ITPR1: variants seen among roughly 807,000 people sequenced by gnomAD.
The protein encoded by ITPR1 is inositol 1,4,5-trisphosphate receptor type 1, also known as inositol 1,4,5-trisphosphate-gated calcium channel ITPR1.
A neutral mutation model predicts 318.4 loss-of-function variants in ITPR1; 96 were observed. That is an observed-to-expected ratio of 0.30 (90% CI 0.26 to 0.36). The LOEUF (loss-of-function observed/expected upper bound fraction) is 0.36, where lower values mean the gene tolerates loss of function less well. Among genes scored for constraint, ITPR1 ranks in the 10% least tolerant of loss-of-function variants. ITPR1 has a pLI of 1.00. For synonymous variants in ITPR1, 1,312 were observed against 1,289.9 expected (o/e 1.02, Z -0.37); for missense variants, 2,440 against 3,460.2 (o/e 0.71, Z 7.40).
intron 40 of ITPR1, among the ~76,000 whole-genome samples, chr3:4,720,814 AAC>A (rs1176143703): frequency 6.6e-5 from 10 of 152,182 alleles, no homozygotes; most frequent in African/African-American, 2.4e-4. Context: ...AAACAGGAGA[AAC>A]AAAGAGTGAT....
In ITPR1 at chr3:4,598,408, C is replaced by T. The variant is rs1407415640; in HGVS notation, c.164-29355C>T. On this transcript the variant is annotated intron_variant, in intron 4 of 61. Coordinates refer to ENST00000649015, the MANE Select transcript of ITPR1 (RefSeq NM_001378452.1). ...AATGAAGTGGGTGAATCAGTTGAGC[C>T]CAGAAGTTTGAGACCAGCCTGGGCA... Among the ~76,000 whole-genome samples, 4 of 152,110 alleles carry T rather than the reference C, an allele frequency of 2.6e-5. No individual in the cohort carries two copies. In the East Asian group the frequency reaches 7.7e-4, roughly 29 times the overall value.
Position 4,710,834 on chromosome 3 carries a change from T to G in ITPR1, c.4991+361T>G, listed in dbSNP as rs2041302813. Among the ~76,000 whole-genome samples the G allele has an allele frequency of 6.6e-6, 1 of 152,228 alleles. No homozygotes were observed. ...CTATCGTGACCTCACCATCTTTTCC[T>G]AATAATTTTGTAATTTCTTAGTTTA... On this transcript the variant is annotated intron_variant, in intron 38 of 61. Transcript: ENST00000649015. This position sits in a 1 kb window ranked among gnomAD's most constrained non-coding sequence, Gnocchi z 4.2.
At chr3:4,527,512 G>A (rs1043786561) in intron 4 of ITPR1, among the ~76,000 whole-genome samples, 2 of 152,152 alleles carry the variant, frequency 1.3e-5, no homozygotes, top group African/African-American at 4.8e-5. Flanking sequence ...CCAACCAGCT[G>A]TGGGATGCGC....
chr3:4,731,781 T>C (rs9824272), intron 42 of ITPR1, among the ~76,000 whole-genome samples: 58,336 of 152,056 alleles, frequency 0.38, 12,071 homozygotes, highest in Non-Finnish European at 0.48. Flanking sequence ...CCAGGGTCCC[T>C]GCTTCAGTCT....
At chr3:4,824,970 G>C (rs1166706795) in intron 60 of ITPR1, among the ~76,000 whole-genome samples, 1 of 152,184 alleles carries the variant, frequency 6.6e-6, no homozygotes, top group African/African-American at 2.4e-5. Flanking sequence ...CATGTCCTTT[G>C]GTGGCCAGAT....
chr3:4,712,691 T>C (rs756508442), intron 39 of ITPR1, among the ~76,000 whole-genome samples: 1 of 152,212 alleles, frequency 6.6e-6, no homozygotes, highest in Non-Finnish European at 1.5e-5. Flanking sequence ...CTTGTCAAAA[T>C]CGATGGTGGC....
At chr3:4,801,655 T>C (rs1247364454) in intron 54 of ITPR1, among the ~76,000 whole-genome samples, 1 of 151,982 alleles carries the variant, frequency 6.6e-6, no homozygotes, top group African/African-American at 2.4e-5. Flanking sequence ...TCCTAGCTAC[T>C]CGGGAGACTG....
chr3:4,655,273 T>C (rs2093680299), intron 12 of ITPR1, among the ~76,000 whole-genome samples: 1 of 152,148 alleles, frequency 6.6e-6, no homozygotes, highest in South Asian at 2.1e-4. Flanking sequence ...ATCTTACCTC[T>C]GAGATTAGGC....
intron 7 of ITPR1, among the ~76,000 whole-genome samples, chr3:4,643,606 G>T (rs113387564): frequency 6.6e-6 from 1 of 151,050 alleles, no homozygotes; most frequent in Middle Eastern, 3.4e-3. Context: ...TTTGGGGGGG[G>T]GGTAACTTTT....
chr3:4,638,746 T>G (rs1257046992), intron 5 of ITPR1, among the ~76,000 whole-genome samples: 1 of 152,224 alleles, frequency 6.6e-6, no homozygotes, highest in African/African-American at 2.4e-5. Context: ...AGTCAATTTC[T>G]TCTTTAAAAG....
At chr3:4,631,059 T>C (rs748964270) in intron 5 of ITPR1, among the ~76,000 whole-genome samples, 16 of 152,362 alleles carry the variant, frequency 1.1e-4, no homozygotes, top group Admixed American at 2.6e-4. Context: ...TTGACGTGAA[T>C]ATGTGAAAAC....
At chr3:4,801,685 A>C (rs1018180085) in intron 54 of ITPR1, among the ~76,000 whole-genome samples, 3 of 152,084 alleles carry the variant, frequency 2.0e-5, no homozygotes, top group Non-Finnish European at 4.4e-5. Context: ...AATCACTTGA[A>C]CCTGAGAGGT....
rs752873214 is a variant in ITPR1 at position 4,831,125 on chromosome 3, T to TCACA, written c.8029-5648_8029-5647insACAC. ...GTCTTTGTCTCTCTCTCTCTCTCTC[T>TCACA]CTCTCTCACACACACACACACACAC... On this transcript the variant is annotated intron_variant, in intron 60 of 61. Coordinates refer to ENST00000649015, the MANE Select transcript of ITPR1 (RefSeq NM_001378452.1). 7.1e-3 allele frequency: 1,686 copies of TCACA among 236,398 alleles called. 6 individuals are homozygous for TCACA. Among genetic ancestry groups the TCACA allele is most frequent in the Non-Finnish European group, 0.01 (1,233 of 121,254 alleles). 14.6% of individuals were successfully genotyped at this position (236,398 alleles called of 1,614,324 possible).
At chr3:4,594,094 C>T (rs17041005) in intron 4 of ITPR1, among the ~76,000 whole-genome samples, 1,913 of 152,214 alleles carry the variant, frequency 0.013, 44 homozygotes, top group African/African-American at 0.043. Context: ...AGGTAGACTT[C>T]GGGCTTGTTC....
chr3:4,742,518 C>G (rs569491989), intron 44 of ITPR1, among the ~76,000 whole-genome samples: 1 of 152,346 alleles, frequency 6.6e-6, no homozygotes, highest in Non-Finnish European at 1.5e-5. Flanking sequence ...ACGGTTCCCA[C>G]CTCAGAGAAC....
intron 52 of ITPR1, among the ~76,000 whole-genome samples, chr3:4,794,624 C>CT (rs1220115591): frequency 2.0e-5 from 3 of 152,156 alleles, no homozygotes; most frequent in African/African-American, 4.8e-5. Flanking sequence ...AATGCTGTAT[C>CT]TCCCCCACCC....
At chr3:4,663,868 C>A (rs762345045) in intron 16 of ITPR1, among the ~76,000 whole-genome samples, 2 of 152,166 alleles carry the variant, frequency 1.3e-5, no homozygotes, top group Non-Finnish European at 2.9e-5. Context: ...CATTGTTTTC[C>A]CTTTACAGAA....
chr3:4,688,783 C>G (rs2094436838), intron 31 of ITPR1, among the ~76,000 whole-genome samples, 163 bp downstream of exon 31: 1 of 152,116 alleles, frequency 6.6e-6, no homozygotes, highest in African/African-American at 2.4e-5. Flanking sequence ...GACATAAATA[C>G]TCATCTTTTG....
At chr3:4,600,496 G>T (rs2091190623) in intron 4 of ITPR1, among the ~76,000 whole-genome samples, 1 of 151,826 alleles carries the variant, frequency 6.6e-6, no homozygotes, top group African/African-American at 2.4e-5. Flanking sequence ...GTGTGTGTGT[G>T]TGTGCGTGTT....
Sources: gnomAD v4.1 joint callset for allele counts (sites outside exome capture counted in the v4.1 genomes callset) on GRCh38, gnomAD v4.1.1 for gene constraint, Gnocchi (gnomAD v3.1) non-coding constraint, MANE v1.5 for transcripts, NCBI Gene and HGNC (gene_info 2026-07-23, HGNC 2026-07-21) for gene names.